The following LSAMP variants were observed in gnomAD, a reference collection of about 807,000 sequenced individuals.
The protein encoded by LSAMP is limbic system associated membrane protein.
In LSAMP, 7 loss-of-function variants were observed where a neutral mutation model predicts 38.6. The observed-to-expected ratio is 0.18, with a 90% CI of 0.10 to 0.34. LSAMP has a LOEUF of 0.34. LSAMP is among the 10% of genes least tolerant of loss of function. LSAMP has a pLI of 1.00. For synonymous variants in LSAMP, 154 were observed against 166.8 expected (o/e 0.92, Z 0.59); for missense variants, 313 against 420.0 (o/e 0.75, Z 2.23).
intron 2 of LSAMP, among the ~76,000 whole-genome samples, chr3:116,066,127 T>C (rs1364095627): frequency 6.6e-6 from 1 of 152,162 alleles, no homozygotes; most frequent in East Asian, 1.9e-4. Context: ...TGGTGTCTGA[T>C]GAGGACCCAC....
At chr3:116,216,743 T>G (rs556965054) in intron 1 of LSAMP, among the ~76,000 whole-genome samples, 1 of 152,148 alleles carries the variant, frequency 6.6e-6, no homozygotes, top group African/African-American at 2.4e-5. Flanking sequence ...AAGGAAGAAG[T>G]GTTGGAAAGG....
At chr3:116,119,178 G>T (rs1332977175) in intron 1 of LSAMP, among the ~76,000 whole-genome samples, 1 of 152,066 alleles carries the variant, frequency 6.6e-6, no homozygotes, top group African/African-American at 2.4e-5. Flanking sequence ...GAGAAAGGGA[G>T]CCAGAAAAAG....
intron 3 of LSAMP, among the ~76,000 whole-genome samples, chr3:115,853,609 T>C (rs567126760): frequency 6.0e-4 from 90 of 150,636 alleles, no homozygotes; most frequent in African/African-American, 2.2e-3. Flanking sequence ...GGGAGAAAAA[T>C]GAAAAGAGGA....
chr3:116,118,110 C>T (rs1708794153), intron 1 of LSAMP, among the ~76,000 whole-genome samples: 1 of 152,240 alleles, frequency 6.6e-6, no homozygotes, highest in African/African-American at 2.4e-5. Context: ...GCATATGTCA[C>T]ATATCATACC....
intron 2 of LSAMP, among the ~76,000 whole-genome samples, chr3:116,059,918 T>A (rs916937461): frequency 4.6e-5 from 7 of 152,144 alleles, no homozygotes; most frequent in African/African-American, 1.7e-4. Flanking sequence ...GGCTGGCTTG[T>A]CCCCACCACT....
chr3:116,012,491 A>G (rs1196040191), intron 3 of LSAMP, among the ~76,000 whole-genome samples: 3 of 152,214 alleles, frequency 2.0e-5, no homozygotes, highest in Admixed American at 6.5e-5. Context: ...TGGGAAAACT[A>G]TCTTCTCAGG....
At position 116,321,325 on chromosome 3, in the gene LSAMP, A is replaced by T. The variant is rs114939291; in HGVS notation, c.155+123552T>A. Among the ~76,000 whole-genome samples the T allele has an allele frequency of 2.4e-3, 358 of 152,244 alleles. 3 individuals are homozygous for T. Among genetic ancestry groups the T allele is most frequent in the African/African-American group, 8.3e-3 (345 of 41,544 alleles). On this transcript the variant is annotated intron_variant, in intron 1 of 6. Transcript: ENST00000490035. ...GAAGTTGAGGCTTCAGTAAGTCATG[A>T]TCTTACCACTGCACTCCAGCATGGC...
intron 1 of LSAMP, among the ~76,000 whole-genome samples, chr3:116,113,252 G>C (rs1459658824): frequency 6.6e-6 from 1 of 150,736 alleles, no homozygotes; most frequent in African/African-American, 2.5e-5. Flanking sequence ...AAAAGAATAA[G>C]AATGTTTGTA....
chr3:116,112,864 TCA>T (rs1435420269), intron 1 of LSAMP, among the ~76,000 whole-genome samples: 9 of 152,202 alleles, frequency 5.9e-5, no homozygotes, highest in African/African-American at 1.9e-4. Flanking sequence ...ATTTTGAATC[TCA>T]GTGTTGCAGA....
chr3:116,110,675 T>C (rs1473405972), intron 1 of LSAMP, among the ~76,000 whole-genome samples: 1 of 152,014 alleles, frequency 6.6e-6, no homozygotes, highest in African/African-American at 2.4e-5. Context: ...TGGTGAGATA[T>C]TTCTTGGGCT....
chr3:116,419,716 C>G (rs926715419), intron 1 of LSAMP, among the ~76,000 whole-genome samples: 1 of 152,112 alleles, frequency 6.6e-6, no homozygotes, highest in African/African-American at 2.4e-5. Context: ...TAAGAAACCT[C>G]AAAGCAAAAT....
chr3:116,160,408 AAGAG>A (rs140256473), intron 1 of LSAMP, among the ~76,000 whole-genome samples: 78,149 of 145,502 alleles, frequency 0.54, 21,802 homozygotes, highest in East Asian at 0.77. Context: ...GAAAGAAAGA[AAGAG>A]AGAGAGGGAG....
chr3:116,157,246 T>A (rs1709774268), intron 1 of LSAMP, among the ~76,000 whole-genome samples: 1 of 152,106 alleles, frequency 6.6e-6, no homozygotes, highest in Admixed American at 6.6e-5. Flanking sequence ...AGTCCCTTTA[T>A]CACTGAGACT....
chr3:115,862,675 A>G (rs1325401972), intron 3 of LSAMP, among the ~76,000 whole-genome samples: 2 of 152,256 alleles, frequency 1.3e-5, no homozygotes, highest in African/African-American at 4.8e-5. Context: ...TCCATTCAAC[A>G]TAAGGTGGGT....
intron 3 of LSAMP, among the ~76,000 whole-genome samples, chr3:115,958,267 A>C (rs1938516896): frequency 6.6e-6 from 1 of 152,168 alleles, no homozygotes; most frequent in African/African-American, 2.4e-5. Flanking sequence ...TTTTAAGGGA[A>C]AATGTCTATC....
intron 1 of LSAMP, among the ~76,000 whole-genome samples, chr3:116,173,792 T>TG (rs1204821636): frequency 5.8e-4 from 19 of 32,988 alleles, no homozygotes; most frequent in African/African-American, 1.6e-3. Context: ...TTTTTTTTTT[T>TG]TTTTTAACAA....
chr3:116,417,832 T>C (rs2049072364), intron 1 of LSAMP, among the ~76,000 whole-genome samples: 2 of 147,206 alleles, frequency 1.4e-5, no homozygotes, highest in Non-Finnish European at 3.0e-5. Context: ...CAGTAAAAAG[T>C]ATTTTGCTGT....
intron 1 of LSAMP, among the ~76,000 whole-genome samples, chr3:116,199,368 A>G (rs2045958335): frequency 6.6e-6 from 1 of 152,140 alleles, no homozygotes; most frequent in Non-Finnish European, 1.5e-5. Flanking sequence ...CTTTCTTCCT[A>G]CCTTCAATCT....
intron 1 of LSAMP, among the ~76,000 whole-genome samples, chr3:116,229,130 T>G (rs1898): frequency 0.06 from 9,191 of 152,206 alleles, 374 homozygotes; most frequent in East Asian, 0.078. Flanking sequence ...CAACATAACT[T>G]ATCTTGAAAG....
Sources: gnomAD v4.1 joint callset for allele counts (sites outside exome capture counted in the v4.1 genomes callset) on GRCh38, gnomAD v4.1.1 for gene constraint, MANE v1.5 for transcripts, NCBI Gene and HGNC (gene_info 2026-07-23, HGNC 2026-07-21) for gene names.